The following FGF14 variants were observed in gnomAD, a reference collection of about 807,000 sequenced individuals.
FGF14 encodes fibroblast growth factor homologous factor 4.
A neutral mutation model predicts 25.5 loss-of-function variants in FGF14; 5 were observed. The observed-to-expected ratio is 0.20, with a 90% CI of 0.10 to 0.41. The LOEUF (loss-of-function observed/expected upper bound fraction) is 0.41. Among genes scored for constraint, FGF14 ranks in the 10% least tolerant of loss-of-function variants. The probability of loss-of-function intolerance (pLI) is 1.00; values close to 1 mark genes in which losing one functional copy is unlikely to be tolerated. For synonymous variants in FGF14, 138 were observed against 118.3 expected, an observed-to-expected ratio of 1.17 and a Z score of -1.08; for missense variants, 222 against 320.1, an observed-to-expected ratio of 0.69 and a Z score of 2.34.
At chr13:102,130,512 C>T (rs1020974067) in intron 1 of FGF14, among the ~76,000 whole-genome samples, 22 of 152,130 alleles carry the variant, frequency 1.4e-4, no homozygotes, top group African/African-American at 4.1e-4. Flanking sequence ...AGGCTCATTT[C>T]CCTAGTTTCA....
At chr13:101,775,867 A>T (rs2039073064) in intron 3 of FGF14, among the ~76,000 whole-genome samples, 2 of 152,332 alleles carry the variant, frequency 1.3e-5, no homozygotes, top group South Asian at 2.1e-4. Context: ...AATTACGCAC[A>T]TGAGCTAGAA....
chr13:101,846,977 G>A (rs891944816), intron 3 of FGF14, among the ~76,000 whole-genome samples: 3 of 151,888 alleles, frequency 2.0e-5, no homozygotes, highest in Non-Finnish European at 2.9e-5. Context: ...CTTTTCAAGC[G>A]GGTCCTCGAT....
chr13:101,918,728 C>T (rs2139148945), upstream of FGF14, among the ~76,000 whole-genome samples: 1 of 152,338 alleles, frequency 6.6e-6, no homozygotes, highest in African/African-American at 2.4e-5. Flanking sequence ...TCCACATTTA[C>T]CAACAAGTCT....
chr13:101,745,192 T>G (rs1268917952), intron 3 of FGF14, among the ~76,000 whole-genome samples: 2 of 152,030 alleles, frequency 1.3e-5, no homozygotes, highest in Non-Finnish European at 2.9e-5. Context: ...AGGATATATA[T>G]ACACGTTTTA....
At chr13:102,004,958 A>G (rs2039703678) in intron 1 of FGF14, among the ~76,000 whole-genome samples, 1 of 152,210 alleles carries the variant, frequency 6.6e-6, no homozygotes, top group Admixed American at 6.5e-5. Flanking sequence ...TGAGTTAATT[A>G]AACCTCTTTC....
intron 1 of FGF14, among the ~76,000 whole-genome samples, chr13:102,154,538 A>G (rs1594177841): frequency 6.6e-6 from 1 of 152,188 alleles, no homozygotes; most frequent in African/African-American, 2.4e-5. Flanking sequence ...GAAAGGAACA[A>G]CCGGTACCAG....
intron 1 of FGF14, among the ~76,000 whole-genome samples, chr13:102,226,719 C>T (rs2050840974): frequency 6.6e-6 from 1 of 152,116 alleles, no homozygotes; most frequent in African/African-American, 2.4e-5. Flanking sequence ...TACTCTCTTA[C>T]AATTACCACT....
intron 1 of FGF14, among the ~76,000 whole-genome samples, chr13:102,068,219 A>C (rs1327351818): frequency 6.6e-6 from 1 of 152,262 alleles, no homozygotes; most frequent in Non-Finnish European, 1.5e-5. Context: ...ATCTGAAATA[A>C]ACAATCTCAT....
At chr13:102,136,494 C>T (rs1472825850) in intron 1 of FGF14, among the ~76,000 whole-genome samples, 1 of 152,154 alleles carries the variant, frequency 6.6e-6, no homozygotes. Flanking sequence ...AGCTCCAACA[C>T]ACCCACAGCA....
intron 1 of FGF14, among the ~76,000 whole-genome samples, chr13:102,386,355 C>T (rs569945701): frequency 2.6e-4 from 40 of 152,020 alleles, no homozygotes; most frequent in Non-Finnish European, 5.0e-4. Context: ...TGGTCTCGAA[C>T]CCCTGACCTC....
chr13:102,023,284 A>G (rs1385824031), intron 1 of FGF14, among the ~76,000 whole-genome samples: 1 of 152,050 alleles, frequency 6.6e-6, no homozygotes, highest in Non-Finnish European at 1.5e-5. Context: ...ACTTAAAGTC[A>G]AATTTTATCC....
chr13:101,903,648 G>A (rs2031863067), intron 1 of FGF14, among the ~76,000 whole-genome samples: 1 of 152,116 alleles, frequency 6.6e-6, no homozygotes. Context: ...GGAGGGCTGT[G>A]TGCCACAAAT....
At chr13:102,179,894 C>T (rs181132268) in intron 1 of FGF14, among the ~76,000 whole-genome samples, 106 of 152,264 alleles carry the variant, frequency 7.0e-4, no homozygotes, top group Non-Finnish European at 1.3e-3. Context: ...GGTTGGTCAG[C>T]TTCTTTATAT....
intron 1 of FGF14, among the ~76,000 whole-genome samples, chr13:102,328,377 G>T (rs907293221): frequency 2.1e-4 from 32 of 152,178 alleles, no homozygotes; most frequent in African/African-American, 7.2e-4. Flanking sequence ...GGCTAAAATA[G>T]GTGAATTTGT....
At chr13:102,369,569 C>G (rs935831943) in intron 1 of FGF14, among the ~76,000 whole-genome samples, 8 of 152,204 alleles carry the variant, frequency 5.3e-5, no homozygotes, top group African/African-American at 1.9e-4. Context: ...CGCACTTTCT[C>G]CCTACCCTAA....
At chr13:101,957,516 T>C (rs972262227) in intron 1 of FGF14, among the ~76,000 whole-genome samples, 2 of 152,190 alleles carry the variant, frequency 1.3e-5, no homozygotes, top group African/African-American at 4.8e-5. Flanking sequence ...GCATTGCCAT[T>C]GGTCAGTAAC....
intron 1 of FGF14, among the ~76,000 whole-genome samples, chr13:102,023,084 C>G (rs1176241838): frequency 6.9e-6 from 1 of 145,728 alleles, no homozygotes; most frequent in Non-Finnish European, 1.5e-5. Flanking sequence ...ACACAGCCAA[C>G]AGCCACACAC....
intron 1 of FGF14, among the ~76,000 whole-genome samples, chr13:102,070,693 A>T (rs1274767067): frequency 1.3e-5 from 2 of 152,238 alleles, no homozygotes; most frequent in South Asian, 2.1e-4. Context: ...TTCTAACAGC[A>T]ATATTTTGAC....
At chr13:101,828,102 A>G (rs2042483260) in intron 3 of FGF14, among the ~76,000 whole-genome samples, 1 of 152,034 alleles carries the variant, frequency 6.6e-6, no homozygotes, top group Non-Finnish European at 1.5e-5. Flanking sequence ...TATATCTTAA[A>G]TATGCATACA....
Sources: allele counts gnomAD v4.1 joint callset (sites outside exome capture counted in the v4.1 genomes callset), GRCh38; gene constraint gnomAD v4.1.1; transcripts MANE v1.5; gene names NCBI Gene and HGNC (gene_info 2026-07-23, HGNC 2026-07-21).